The following GON7 variants were observed in gnomAD, a reference collection of about 807,000 sequenced individuals.
The protein encoded by GON7 is GON7 subunit of KEOPS complex, also known as EKC/KEOPS complex subunit GON7.
A neutral mutation model predicts 7.6 loss-of-function variants in GON7; 2 were observed. The ratio of observed to expected loss-of-function variants is 0.26; its 90% CI spans 0.11 to 0.83. The LOEUF is 0.83. GON7 is among the 40% of genes least tolerant of loss of function. The pLI is 0.65. For synonymous variants in GON7, 54 were observed against 56.6 expected, an observed-to-expected ratio of 0.95 and a Z score of 0.20; for missense variants, 121 against 132.2, an observed-to-expected ratio of 0.92 and a Z score of 0.42.
rs1174109482 is a variant in GON7 at position 93,202,925 on chromosome 14, CAAT to C, written c.*760_*762del. ...AGGAATATATATTTTTAAAAGGATT[CAAT>C]AATCTTTTTAAAGCAAAATCAAAGT... On this transcript the variant is annotated 3_prime_UTR_variant, in exon 2 of 2. Transcript: ENST00000306954. 1.3e-5 allele frequency: 2 copies of C among 152,110 alleles called. No individual in the cohort carries two copies. The highest frequency in any genetic ancestry group is 2.9e-5 in the Non-Finnish European group (2 of 68,008). 9.4% of individuals were successfully genotyped at this position (152,110 alleles called of 1,614,324 possible). A position where few individuals can be genotyped will look rare whatever the true frequency, so the allele number is the denominator to read the frequency against.
chr14:93,206,317 T>G (rs1894342927), intron 1 of GON7, among the ~76,000 whole-genome samples: 1 of 149,966 alleles, frequency 6.7e-6, no homozygotes, highest in African/African-American at 2.5e-5. Flanking sequence ...CCACTTCCAC[T>G]TTTAATAAGA....
intron 1 of GON7, 73 bp from the exon 2 acceptor site, chr14:93,203,855 GATA>G (rs1894294463): frequency 1.8e-6 from 2 of 1,098,138 alleles, no homozygotes; most frequent in Non-Finnish European, 2.7e-6. Flanking sequence ...TAAAGTGGTT[GATA>G]ATGAGACCAT....
Position 93,207,054 on chromosome 14 carries a change from C to T in GON7, c.-17G>A. ...CAGCTCCATGGTGACCGCTAAGCTTCCAGAACACGACACCGGGAAGCGCCA... is the reference window on the plus strand; with the variant it reads ...CAGCTCCATGGTGACCGCTAAGCTTTCAGAACACGACACCGGGAAGCGCCA... On this transcript the variant is annotated 5_prime_UTR_variant, in exon 1 of 2. Transcript: ENST00000306954. 1 of 1,612,126 alleles carries T rather than the reference C, an allele frequency of 6.2e-7. No individual in the cohort carries two copies. The highest frequency in any genetic ancestry group is 2.2e-5 in the East Asian group (1 of 44,874).
chr14:93,205,937 C>A (rs557999998), intron 1 of GON7, among the ~76,000 whole-genome samples: 4 of 152,322 alleles, frequency 2.6e-5, no homozygotes, highest in East Asian at 1.9e-4. Flanking sequence ...AAAGTCTTAT[C>A]CTTTCTGAAG....
In GON7 at chr14:93,203,686, T is replaced by C; in HGVS notation, c.*2A>G. ...ATCTTTTAAATGTCATGAAGGCTAT[T>C]GTTAAGACGGTGTTTTTGGCCGTTT... is the stretch of plus-strand genomic sequence containing the variant. On this transcript the variant is annotated 3_prime_UTR_variant, in exon 2 of 2. Transcript: ENST00000306954. 6.2e-7 allele frequency: 1 copy of C among 1,613,002 alleles called. No individual in the cohort carries two copies. The highest frequency in any genetic ancestry group is 8.5e-7 in the Non-Finnish European group (1 of 1,179,048).
intron 1 of GON7, among the ~76,000 whole-genome samples, chr14:93,205,347 C>A (rs907037101): frequency 6.6e-6 from 1 of 152,148 alleles, no homozygotes; most frequent in African/African-American, 2.4e-5. Flanking sequence ...ATATCTAGTT[C>A]TTGGGTTTTT....
rs1230819429 is a variant in GON7, at chr14:93,203,586, A to C, written c.*102T>G. On this transcript the variant is annotated 3_prime_UTR_variant, in exon 2 of 2. Transcript: ENST00000306954. The stretch of plus-strand genomic sequence containing the variant: ...TTGACAAAATTGTCCCAGGAGAACA[A>C]CACAAATGCTTTTTCCAAATTAGAG... 4.0e-6 allele frequency: 4 copies of C among 996,396 alleles called. No individual in the cohort carries two copies. The highest frequency in any genetic ancestry group is 2.5e-5 in the East Asian group (1 of 40,774). 61.7% of individuals were successfully genotyped at this position (996,396 alleles called of 1,614,324 possible).
rs1894283199 is a variant in GON7 at position 93,203,192 on chromosome 14, C to T, written c.*496G>A. ...GGTTTCCTTGGGTCTCTTTCAAGGA[C>T]TCTCCTTTCTCGTCGGTATTTCTAT... is the stretch of plus-strand genomic sequence containing the variant. On this transcript the variant is annotated 3_prime_UTR_variant, in exon 2 of 2. Coordinates refer to ENST00000306954, the MANE Select transcript of GON7 (RefSeq NM_032490.5). 1 of 153,052 alleles carries T rather than the reference C, an allele frequency of 6.5e-6. No homozygotes were observed. Among genetic ancestry groups the T allele is most frequent in the Non-Finnish European group, 1.5e-5 (1 of 68,638 alleles). The allele number at this position is 153,052 out of a possible 1,614,324, so 9.5% of individuals were successfully genotyped here. A position where few individuals can be genotyped will look rare whatever the true frequency, so the allele number is the denominator to read the frequency against.
rs1894284456 is a variant in GON7, at chr14:93,203,290, T to A, written c.*398A>T. On this transcript the variant is annotated 3_prime_UTR_variant, in exon 2 of 2. Coordinates refer to ENST00000306954, the MANE Select transcript of GON7 (RefSeq NM_032490.5). Reference sequence around the variant, plus strand: ...ATGCCCAATTTTCACTACTTGTTCATGTCAGTTCTCTGAAATGTTACTGCC... The same window carrying A: ...ATGCCCAATTTTCACTACTTGTTCAAGTCAGTTCTCTGAAATGTTACTGCC... 6.2e-6 allele frequency: 1 copy of A among 162,060 alleles called. No individual in the cohort carries two copies. Among genetic ancestry groups the A allele is most frequent in the Non-Finnish European group, 1.3e-5 (1 of 74,740 alleles). 10.0% of individuals were successfully genotyped at this position (162,060 alleles called of 1,614,324 possible).
In GON7 at chr14:93,203,575, C is replaced by T; in HGVS notation, c.*113G>A. On this transcript the variant is annotated 3_prime_UTR_variant, in exon 2 of 2. Coordinates refer to ENST00000306954, the MANE Select transcript of GON7 (RefSeq NM_032490.5). ...CAGTTTTCTCTTTGACAAAATTGTC[C>T]CAGGAGAACAACACAAATGCTTTTT... is the stretch of plus-strand genomic sequence containing the variant. The T allele has an allele frequency of 1.2e-6, 1 of 810,856 alleles. No homozygotes were observed. Among genetic ancestry groups the T allele is most frequent in the Non-Finnish European group, 1.9e-6 (1 of 515,864 alleles). 50.2% of individuals were successfully genotyped at this position (810,856 alleles called of 1,614,324 possible).
In GON7 at chr14:93,207,063, G is replaced by C. The variant is rs927694341; in HGVS notation, c.-26C>G. Reference sequence around the variant, plus strand: ...GGTGACCGCTAAGCTTCCAGAACACGACACCGGGAAGCGCCACCCGGAGGC... The same window carrying C: ...GGTGACCGCTAAGCTTCCAGAACACCACACCGGGAAGCGCCACCCGGAGGC... On this transcript the variant is annotated 5_prime_UTR_variant, in exon 1 of 2. Transcript: ENST00000306954. 5.0e-6 allele frequency: 8 copies of C among 1,611,756 alleles called. No homozygotes were observed. Among genetic ancestry groups the C allele is most frequent in the South Asian group, 2.2e-5 (2 of 90,988 alleles).
Position 93,203,690 on chromosome 14 carries a change from A to C in GON7, c.301T>G (p.Ter101GluextTer2). The C allele has an allele frequency of 6.2e-7, 1 of 1,613,298 alleles. No homozygotes were observed. The highest frequency in any genetic ancestry group is 1.1e-5 in the South Asian group (1 of 91,064). Residue 101 changes from the stop codon to glutamate, a stop_lost, in exon 2 of 2, where the codon TAA becomes GAA. Coordinates refer to ENST00000306954, the MANE Select transcript of GON7 (RefSeq NM_032490.5). Reference protein sequence around the residue: ...PSAKRPKTPS* With the variant: ...PSAKRPKTPSE The stretch of plus-strand genomic sequence containing the variant: ...TTTAAATGTCATGAAGGCTATTGTT[A>C]AGACGGTGTTTTTGGCCGTTTTGCA...
chr14:93,205,781 G>A (rs1314741380), intron 1 of GON7, among the ~76,000 whole-genome samples: 1 of 152,188 alleles, frequency 6.6e-6, no homozygotes, highest in Non-Finnish European at 1.5e-5. Flanking sequence ...GGAAAGGCAA[G>A]GGAGTCTCTG....
Position 93,205,015 on chromosome 14 carries a change from CTGT to C in GON7, c.209-1236_209-1234del, listed in dbSNP as rs575418235. 1.7e-3 allele frequency among the ~76,000 whole-genome samples: 260 copies of C among 152,288 alleles called. 1 individual carries two copies. Among genetic ancestry groups the C allele is most frequent in the African/African-American group, 6.0e-3 (249 of 41,562 alleles). ...CACGTTTTAGCTACTATAAATGCTG[CTGT>C]TATCAACATTCATGCGTAAGTTTTT... On this transcript the variant is annotated intron_variant, in intron 1 of 1. Coordinates refer to ENST00000306954, the MANE Select transcript of GON7 (RefSeq NM_032490.5).
chr14:93,206,792 C>T, intron 1 of GON7, 38 bp downstream of exon 1: 1 of 1,576,100 alleles, frequency 6.3e-7, no homozygotes. Flanking sequence ...GGCGCCCGCC[C>T]CGTCCTCCGG....
chr14:93,205,498 T>C (rs918819464), intron 1 of GON7, among the ~76,000 whole-genome samples: 2 of 152,004 alleles, frequency 1.3e-5, no homozygotes, highest in African/African-American at 4.8e-5. Context: ...TGAAACCCTG[T>C]CTCTACTAAA....
intron 1 of GON7, 36 bp from the exon 2 acceptor site, chr14:93,203,818 T>A (rs993560347): frequency 3.3e-6 from 5 of 1,531,670 alleles, no homozygotes; most frequent in Non-Finnish European, 4.5e-6. Flanking sequence ...GACAATACGT[T>A]CTATGGCTGA....
chr14:93,206,784 C>T lies in GON7; in HGVS notation c.208+46G>A, dbSNP rs1029811245. ...GCTCCCCAAGCCAATTTCCCCTGGG[C>T]GCCCGCCCCGTCCTCCGGTCACTGC... On this transcript the variant is annotated intron_variant, in intron 1 of 1. Coordinates refer to ENST00000306954, the MANE Select transcript of GON7 (RefSeq NM_032490.5). 3 of 1,553,870 alleles carry T rather than the reference C, an allele frequency of 1.9e-6. No individual in the cohort carries two copies. In the East Asian group the frequency reaches 7.0e-5, roughly 36 times the overall value.
In GON7 at chr14:93,206,826, T is replaced by A. The variant is rs1256279219; in HGVS notation, c.208+4A>T. On this transcript the variant is annotated splice_donor_region_variant and intron_variant, in intron 1 of 1. Transcript: ENST00000306954. ...GGTCACTGCAGCACCGTCTCAGAGC[T>A]CACCGTCCAAGTCCTCGTCTGGAGC... 3.7e-6 allele frequency: 6 copies of A among 1,612,926 alleles called. No homozygotes were observed. Among genetic ancestry groups the A allele is most frequent in the Non-Finnish European group, 5.1e-6 (6 of 1,179,636 alleles).
Sources: allele counts gnomAD v4.1 joint callset (sites outside exome capture counted in the v4.1 genomes callset), GRCh38; gene constraint gnomAD v4.1.1; transcripts MANE v1.5; gene names NCBI Gene and HGNC (gene_info 2026-07-23, HGNC 2026-07-21).